Variants in CNOT2 observed in about 807,000 individuals in gnomAD.
The protein encoded by CNOT2 is CCR4-NOT transcription complex subunit 2, also known as CC chemokine receptor 4-negative regulator of transcription 2.
In CNOT2, 7 loss-of-function variants were observed where a neutral mutation model predicts 72.1. The observed-to-expected ratio is 0.10, with a 90% CI of 0.06 to 0.18. The LOEUF (loss-of-function observed/expected upper bound fraction) is 0.18. Ranked by LOEUF, CNOT2 falls within the 10% of genes least tolerant of loss-of-function variation. CNOT2 has a pLI of 1.00. For missense variants in CNOT2, 345 were observed against 660.3 expected (o/e 0.52, Z 5.23); for synonymous variants, 196 against 225.6 (o/e 0.87, Z 1.17).
At chr12:70,266,026 C>A (rs1385898218) in intron 1 of CNOT2, among the ~76,000 whole-genome samples, 2 of 146,108 alleles carry the variant, frequency 1.4e-5, no homozygotes, top group African/African-American at 5.1e-5. Flanking sequence ...TTTAAAAGAA[C>A]TAAGATGCAA....
chr12:70,295,263 T>A (rs1177618526), intron 2 of CNOT2, among the ~76,000 whole-genome samples: 1 of 152,164 alleles, frequency 6.6e-6, no homozygotes, highest in Non-Finnish European at 1.5e-5. Flanking sequence ...AGAAAGTATG[T>A]GAGGGTTAAA....
chr12:70,257,967 C>G (rs1193326368), intron 1 of CNOT2, among the ~76,000 whole-genome samples: 1 of 152,114 alleles, frequency 6.6e-6, no homozygotes, highest in East Asian at 1.9e-4. Flanking sequence ...TTTACTGTCA[C>G]TGATACTGAG....
At chr12:70,349,529 G>C (rs960036600) in intron 15 of CNOT2, among the ~76,000 whole-genome samples, 13 of 152,026 alleles carry the variant, frequency 8.6e-5, no homozygotes, top group African/African-American at 3.1e-4. Flanking sequence ...ATAATATTTT[G>C]TATGAGCATT....
At chr12:70,277,293 C>G (rs1019160225) in intron 1 of CNOT2, among the ~76,000 whole-genome samples, 1 of 152,128 alleles carries the variant, frequency 6.6e-6, no homozygotes, top group Admixed American at 6.6e-5. Flanking sequence ...TTTGAACTCT[C>G]ATTTTCAATA....
chr12:70,244,229 C>T (rs1016826049), intron 1 of CNOT2: 1 of 152,174 alleles, frequency 6.6e-6, no homozygotes, highest in African/African-American at 2.4e-5. Context: ...TCCGGATGAT[C>T]CTGGGGCGGC....
At chr12:70,290,796 G>C (rs959509416) in intron 2 of CNOT2, 1 of 152,064 alleles carries the variant, frequency 6.6e-6, no homozygotes, top group African/African-American at 2.4e-5. Flanking sequence ...AAGATGCTGG[G>C]ATTACAGGTG....
At position 70,329,557 on chromosome 12, in the gene CNOT2, C is replaced by T. The variant is rs1448845248; in HGVS notation, c.373C>T (p.Pro125Ser). Reference sequence around the variant, plus strand: ...ACCAACAATGTCACTTCACACGCCTCCATCTCCAAGCAGGTATTTATTGAT... The same window carrying T: ...ACCAACAATGTCACTTCACACGCCTTCATCTCCAAGCAGGTATTTATTGAT... ...GVPTMSLHTP[P>S]SPSRGILPMN... The change falls in exon 5 of 16, where the codon CCA becomes TCA. Residue 125 changes from proline to serine, a missense_variant. Physicochemically the swap from Pro to Ser is moderately conservative, Grantham distance 74. Around this residue, in one of 4 missense-constraint regions of CNOT2, gnomAD observed 157 missense variants for 235.3 expected, o/e 0.67. Transcript: ENST00000229195. 3 of 1,609,850 alleles carry T rather than the reference C, an allele frequency of 1.9e-6. No individual in the cohort carries two copies. The highest frequency in any genetic ancestry group is 1.1e-5 in the South Asian group (1 of 90,996).
intron 2 of CNOT2, among the ~76,000 whole-genome samples, chr12:70,291,932 G>A (rs1052932429): frequency 2.0e-5 from 3 of 152,170 alleles, no homozygotes; most frequent in Admixed American, 1.3e-4. Context: ...GTGAGACTCC[G>A]TCTCAAAAAA....
At chr12:70,309,053 A>G (rs1180961457) in intron 2 of CNOT2, among the ~76,000 whole-genome samples, 2 of 152,164 alleles carry the variant, frequency 1.3e-5, no homozygotes, top group East Asian at 1.9e-4. Context: ...TGCAAGCTCT[A>G]AAGTGATTTT....
chr12:70,341,248 CA>C (rs1415635816), intron 11 of CNOT2, among the ~76,000 whole-genome samples: 1 of 152,108 alleles, frequency 6.6e-6, no homozygotes, highest in African/African-American at 2.4e-5. Flanking sequence ...CCCCTAACCC[CA>C]CCTCAACAGC....
At chr12:70,299,106 C>T (rs1243673102) in intron 2 of CNOT2, among the ~76,000 whole-genome samples, 4 of 151,912 alleles carry the variant, frequency 2.6e-5, no homozygotes, top group Admixed American at 2.0e-4. Context: ...GTCTCACAAT[C>T]GTGGCAGAAG....
intron 2 of CNOT2, among the ~76,000 whole-genome samples, chr12:70,303,853 C>T (rs1378592024): frequency 1.3e-5 from 2 of 151,904 alleles, no homozygotes; most frequent in Non-Finnish European, 2.9e-5. Context: ...TTCAGGTACA[C>T]CAAGTAGATT....
intron 1 of CNOT2, among the ~76,000 whole-genome samples, chr12:70,263,535 A>C (rs1005090239): frequency 1.3e-5 from 2 of 152,242 alleles, no homozygotes; most frequent in East Asian, 3.9e-4. Flanking sequence ...TGTTAACTAC[A>C]TAATATCTCT....
chr12:70,349,640 C>T (rs570985602), intron 15 of CNOT2, among the ~76,000 whole-genome samples: 2 of 152,082 alleles, frequency 1.3e-5, no homozygotes, highest in Non-Finnish European at 2.9e-5. Context: ...AATTTTGTGA[C>T]CCTGAGTTCT....
At chr12:70,318,521 G>C (rs1278769034) in intron 3 of CNOT2, among the ~76,000 whole-genome samples, 2 of 151,666 alleles carry the variant, frequency 1.3e-5, no homozygotes, top group Non-Finnish European at 2.9e-5. Context: ...ATATTCTTGA[G>C]GGAAGACCCC....
At chr12:70,277,303 A>G (rs1462110690) in intron 1 of CNOT2, among the ~76,000 whole-genome samples, 1 of 152,138 alleles carries the variant, frequency 6.6e-6, no homozygotes, top group East Asian at 1.9e-4. Context: ...CATTTTCAAT[A>G]TTCATTTTAA....
At chr12:70,327,988 A>G (rs866397323) in intron 4 of CNOT2, among the ~76,000 whole-genome samples, 105 of 152,014 alleles carry the variant, frequency 6.9e-4, no homozygotes, top group African/African-American at 2.4e-3. Flanking sequence ...GGCTTCAGCT[A>G]GTGACATTCT....
At chr12:70,275,086 T>C (rs1348022684) in intron 1 of CNOT2, among the ~76,000 whole-genome samples, 1 of 152,092 alleles carries the variant, frequency 6.6e-6, no homozygotes, top group Non-Finnish European at 1.5e-5. Flanking sequence ...CCTAACCTTC[T>C]AACATGGCTG....
intron 1 of CNOT2, among the ~76,000 whole-genome samples, chr12:70,273,455 A>C (rs1378869611): frequency 6.6e-6 from 1 of 152,132 alleles, no homozygotes; most frequent in Non-Finnish European, 1.5e-5. Context: ...TAAACCATGA[A>C]CTAGACCATG....
Sources: gnomAD v4.1 joint callset for allele counts (sites outside exome capture counted in the v4.1 genomes callset) on GRCh38, gnomAD v4.1.1 for gene constraint, gnomAD v4.1.1 regional missense constraint, MANE v1.5 for transcripts, NCBI Gene and HGNC (gene_info 2026-07-23, HGNC 2026-07-21) for gene names.